The following NREP variants were observed in gnomAD, a reference collection of about 807,000 sequenced individuals.
NREP encodes neuronal regeneration related protein, also known as neuronal regeneration-related protein.
A neutral mutation model predicts 8.6 loss-of-function variants in NREP; 5 were observed. The ratio of observed to expected loss-of-function variants is 0.58; its 90% CI spans 0.30 to 1.22. The LOEUF (loss-of-function observed/expected upper bound fraction) is 1.22. Ranked by LOEUF, NREP falls within the 50% of genes most tolerant of loss-of-function variation. NREP has a pLI of 0.07. For synonymous variants in NREP, 27 were observed against 28.0 expected (o/e 0.96, Z 0.11); for missense variants, 86 against 82.5 (o/e 1.04, Z -0.17).
chr5:111,872,368 C>T (rs6594553), intron 2 of NREP, among the ~76,000 whole-genome samples: 150,144 of 152,292 alleles, frequency 0.99, 74,053 homozygotes, highest in East Asian at 1. Flanking sequence ...TGGAGGGCAA[C>T]CTACTTTACT....
At chr5:111,974,302 T>G (rs1276036965) in intron 2 of NREP, 1 of 152,214 alleles carries the variant, frequency 6.6e-6, no homozygotes, top group African/African-American at 2.4e-5. Context: ...ATTTAAGTTG[T>G]AAGGCAGCTG....
At chr5:111,756,477 GATGA>G (rs1028759126) in intron 1 of NREP, among the ~76,000 whole-genome samples, 157 of 152,116 alleles carry the variant, frequency 1.0e-3, no homozygotes, top group African/African-American at 3.3e-3. Context: ...CAAAAATTAA[GATGA>G]ATGGAGAAAC....
At chr5:111,777,757 A>G (rs1462652323) in intron 2 of NREP, among the ~76,000 whole-genome samples, 2 of 152,098 alleles carry the variant, frequency 1.3e-5, no homozygotes, top group African/African-American at 2.4e-5. Context: ...TCTAGAAATT[A>G]TAGGTGTGGA....
chr5:111,937,405 G>C (rs1755713736), intron 2 of NREP, among the ~76,000 whole-genome samples: 1 of 151,932 alleles, frequency 6.6e-6, no homozygotes, highest in Non-Finnish European at 1.5e-5. Flanking sequence ...GCTTTTTAAT[G>C]GTCTCTTTCC....
At chr5:111,848,778 G>A (rs1159600600) in intron 2 of NREP, among the ~76,000 whole-genome samples, 1 of 151,696 alleles carries the variant, frequency 6.6e-6, no homozygotes, top group Non-Finnish European at 1.5e-5. Context: ...AATGTTCCTT[G>A]TCAAAGTAAT....
intron 2 of NREP, among the ~76,000 whole-genome samples, chr5:111,933,687 A>T (rs1199142025): frequency 6.6e-6 from 1 of 152,024 alleles, no homozygotes; most frequent in Non-Finnish European, 1.5e-5. Flanking sequence ...AATTTCCCAT[A>T]TCCAATTCAT....
chr5:111,894,515 C>T (rs1754463597), intron 2 of NREP, among the ~76,000 whole-genome samples: 1 of 151,766 alleles, frequency 6.6e-6, no homozygotes, highest in Non-Finnish European at 1.5e-5. Context: ...TTGGAGACTC[C>T]TATCATTTTC....
chr5:111,741,938 T>C (rs941220956), intron 2 of NREP, among the ~76,000 whole-genome samples: 4 of 151,988 alleles, frequency 2.6e-5, no homozygotes, highest in African/African-American at 9.6e-5. Flanking sequence ...TCTAGACTCA[T>C]AAATGCCCTC....
At chr5:111,771,466 T>C (rs879302543) in intron 2 of NREP, among the ~76,000 whole-genome samples, 30 of 139,250 alleles carry the variant, frequency 2.2e-4, no homozygotes, top group South Asian at 1.7e-3. Flanking sequence ...CACACACACA[T>C]ATGCACACTT....
At chr5:111,825,176 G>A (rs1315438010) in intron 2 of NREP, among the ~76,000 whole-genome samples, 1 of 151,620 alleles carries the variant, frequency 6.6e-6, no homozygotes, top group African/African-American at 2.4e-5. Flanking sequence ...ACATTTAATG[G>A]ATTAAAAATA....
At chr5:111,813,879 A>G (rs541537794) in intron 2 of NREP, among the ~76,000 whole-genome samples, 2 of 152,206 alleles carry the variant, frequency 1.3e-5, no homozygotes, top group African/African-American at 4.8e-5. Context: ...TTTGGTATAT[A>G]CTATATTCCA....
chr5:111,913,051 G>A (rs1459720102), intron 2 of NREP, among the ~76,000 whole-genome samples: 3 of 152,030 alleles, frequency 2.0e-5, no homozygotes, highest in Non-Finnish European at 4.4e-5. Flanking sequence ...GACACCTACT[G>A]TACAGCAGCC....
At chr5:111,942,460 A>G (rs1755855245) in intron 2 of NREP, among the ~76,000 whole-genome samples, 1 of 152,054 alleles carries the variant, frequency 6.6e-6, no homozygotes, top group Non-Finnish European at 1.5e-5. Context: ...CCTGCATCAT[A>G]CTAACTACAT....
At chr5:111,874,474 T>C (rs1753859634) in intron 2 of NREP, among the ~76,000 whole-genome samples, 1 of 152,212 alleles carries the variant, frequency 6.6e-6, no homozygotes, top group South Asian at 2.1e-4. Context: ...TTTGTGCATT[T>C]CATGGTAGGC....
intron 2 of NREP, among the ~76,000 whole-genome samples, chr5:111,740,557 G>C (rs113004511): frequency 1.3e-5 from 2 of 151,994 alleles, no homozygotes; most frequent in South Asian, 2.1e-4. Context: ...TTAGCTCACC[G>C]GTAATTATTG....
At chr5:111,928,797 T>A (rs1581227148) in intron 2 of NREP, among the ~76,000 whole-genome samples, 1 of 152,162 alleles carries the variant, frequency 6.6e-6, no homozygotes, top group Non-Finnish European at 1.5e-5. Flanking sequence ...CACATTTGTA[T>A]GTTGCCAATT....
intron 2 of NREP, among the ~76,000 whole-genome samples, chr5:111,906,795 T>C (rs1507845): frequency 0.011 from 1,693 of 152,282 alleles, 17 homozygotes; most frequent in South Asian, 0.035. Context: ...ATGTGCTTAT[T>C]TGGCATCTAA....
chr5:111,924,673 C>G (rs1369454223), intron 2 of NREP, among the ~76,000 whole-genome samples: 3 of 152,072 alleles, frequency 2.0e-5, no homozygotes, highest in Non-Finnish European at 2.9e-5. Flanking sequence ...TCTGAGGAGG[C>G]CTTTCTTCTT....
At chr5:111,805,829 G>T (rs907736198) in intron 2 of NREP, among the ~76,000 whole-genome samples, 2 of 152,044 alleles carry the variant, frequency 1.3e-5, no homozygotes, top group African/African-American at 4.8e-5. Context: ...CAGTAAGCAG[G>T]ATAAATAAAT....
Sources: allele counts gnomAD v4.1 joint callset (sites outside exome capture counted in the v4.1 genomes callset), GRCh38; gene constraint gnomAD v4.1.1; transcripts MANE v1.5; gene names NCBI Gene and HGNC (gene_info 2026-07-23, HGNC 2026-07-21).